The following QKI variants were observed in gnomAD, a reference collection of about 807,000 sequenced individuals.
QKI encodes KH domain-containing RNA-binding protein QKI.
A neutral mutation model predicts 39.0 loss-of-function variants in QKI; 10 were observed. That is an observed-to-expected ratio of 0.26 (90% confidence interval 0.16 to 0.43). The LOEUF is 0.43. Among genes scored for constraint, QKI ranks in the 20% least tolerant of loss-of-function variants. The probability of loss-of-function intolerance (pLI) is 1.00; values close to 1 mark genes in which losing one functional copy is unlikely to be tolerated. For synonymous variants in QKI, 204 were observed against 155.4 expected, an observed-to-expected ratio of 1.31 and a Z score of -2.33; for missense variants, 218 against 428.0, an observed-to-expected ratio of 0.51 and a Z score of 4.33.
intron 3 of QKI, among the ~76,000 whole-genome samples, chr6:163,493,374 C>T (rs1405719026): frequency 6.6e-6 from 1 of 152,168 alleles, no homozygotes; most frequent in African/African-American, 2.4e-5. Flanking sequence ...AGGTGATCCA[C>T]CGCCTCGGCC....
chr6:163,478,308 C>T (rs1481504151), intron 2 of QKI, among the ~76,000 whole-genome samples: 1 of 152,144 alleles, frequency 6.6e-6, no homozygotes, highest in Non-Finnish European at 1.5e-5. Context: ...TGAACAGTTG[C>T]TTTGGAGAAA....
intron 3 of QKI, among the ~76,000 whole-genome samples, chr6:163,534,181 T>G (rs1023021345): frequency 1.3e-5 from 2 of 152,190 alleles, no homozygotes; most frequent in African/African-American, 4.8e-5. Context: ...TCCCTGTAGC[T>G]TAACCAGGTT....
intron 3 of QKI, among the ~76,000 whole-genome samples, chr6:163,528,960 A>G (rs1000705332): frequency 3.3e-5 from 5 of 152,190 alleles, no homozygotes; most frequent in African/African-American, 1.2e-4. Flanking sequence ...ATAGAACTTT[A>G]GTCTTGCAGT....
chr6:163,445,762 C>T (rs1790106874), intron 1 of QKI, among the ~76,000 whole-genome samples: 1 of 151,966 alleles, frequency 6.6e-6, no homozygotes, highest in Non-Finnish European at 1.5e-5. Context: ...CTACAGGCGC[C>T]CGCCACCACG....
intron 3 of QKI, among the ~76,000 whole-genome samples, chr6:163,488,230 C>G (rs1056800720): frequency 6.6e-6 from 1 of 152,026 alleles, no homozygotes; most frequent in African/African-American, 2.4e-5. Flanking sequence ...ACTTTGCCGT[C>G]TAGTGTAGTG....
chr6:163,506,544 T>A (rs1032518414), intron 3 of QKI, among the ~76,000 whole-genome samples: 3 of 152,174 alleles, frequency 2.0e-5, no homozygotes, highest in Non-Finnish European at 4.4e-5. Flanking sequence ...TATTTAGATT[T>A]TTCAATGTAT....
intron 1 of QKI, among the ~76,000 whole-genome samples, chr6:163,434,166 T>C (rs1444335194): frequency 6.6e-6 from 1 of 152,004 alleles, no homozygotes; most frequent in Non-Finnish European, 1.5e-5. Flanking sequence ...CACAATGGCA[T>C]GGAGAGTAAT....
Position 163,574,502 on chromosome 6 carries a change from ATTT to A in QKI, c.*3797_*3799del. 1 of 152,250 alleles carries A rather than the reference ATTT, an allele frequency of 6.6e-6. No individual in the cohort carries two copies. Among genetic ancestry groups the A allele is most frequent in the Admixed American group, 6.5e-5 (1 of 15,292 alleles). 9.4% of individuals were successfully genotyped at this position (152,250 alleles called of 1,614,324 possible). On this transcript the variant is annotated 3_prime_UTR_variant, in exon 8 of 8. Coordinates refer to ENST00000361752, the MANE Select transcript of QKI (RefSeq NM_006775.3). ...GCACGTTACTGAGCTTTCCTCAGGT[ATTT>A]TTTTCTCTGTCACCTACTTTACAAA...
intron 3 of QKI, among the ~76,000 whole-genome samples, chr6:163,484,215 C>A (rs201426298): frequency 4.5e-5 from 4 of 88,532 alleles, no homozygotes; most frequent in South Asian, 7.2e-4. Context: ...TTTTTTTTTT[C>A]TTTTTAAGAC....
At chr6:163,428,520 A>G (rs970552771) in intron 1 of QKI, among the ~76,000 whole-genome samples, 1 of 152,174 alleles carries the variant, frequency 6.6e-6, no homozygotes, top group Non-Finnish European at 1.5e-5. Context: ...TATCATAGTA[A>G]TAAAAAATTA....
intron 4 of QKI, among the ~76,000 whole-genome samples, chr6:163,538,776 A>G (rs968847909): frequency 5.3e-5 from 8 of 152,284 alleles, no homozygotes; most frequent in African/African-American, 1.7e-4. Flanking sequence ...AGGTGCTGAG[A>G]AGTAGTAAGA....
chr6:163,467,460 T>C (rs954184068), intron 2 of QKI, among the ~76,000 whole-genome samples: 4 of 152,246 alleles, frequency 2.6e-5, no homozygotes, highest in African/African-American at 9.6e-5. Context: ...AAACAGTTAC[T>C]ATTTCCACTT....
chr6:163,480,406 A>G (rs1200276802), intron 3 of QKI, among the ~76,000 whole-genome samples: 1 of 152,126 alleles, frequency 6.6e-6, no homozygotes, highest in Non-Finnish European at 1.5e-5. Context: ...TACCAAACCC[A>G]CAGGGTATCT....
chr6:163,453,823 G>C (rs1790744640), intron 1 of QKI, among the ~76,000 whole-genome samples: 1 of 152,078 alleles, frequency 6.6e-6, no homozygotes, highest in South Asian at 2.1e-4. Flanking sequence ...TTTGTAATAT[G>C]AATATTGGTA....
intron 4 of QKI, among the ~76,000 whole-genome samples, chr6:163,541,165 G>A (rs1260569089): frequency 6.6e-6 from 1 of 151,882 alleles, no homozygotes; most frequent in African/African-American, 2.4e-5. Flanking sequence ...ATATTATGCT[G>A]CGTTTTTATT....
chr6:163,525,232 A>G (rs1780416498), intron 3 of QKI, among the ~76,000 whole-genome samples: 1 of 150,916 alleles, frequency 6.6e-6, no homozygotes. Flanking sequence ...TGCTTGAGAC[A>G]GGCTATATCT....
At position 163,571,356 on chromosome 6, in the gene QKI, AAAGT is replaced by A. The variant is rs1410068008; in HGVS notation, c.*649_*652del. The A allele has an allele frequency of 6.6e-6, 1 of 152,232 alleles. No homozygotes were observed. Among genetic ancestry groups the A allele is most frequent in the African/African-American group, 2.4e-5 (1 of 41,470 alleles). The allele number at this position is 152,232 out of a possible 1,614,324, so 9.4% of individuals were successfully genotyped here. On this transcript the variant is annotated 3_prime_UTR_variant, in exon 8 of 8. Coordinates refer to ENST00000361752, the MANE Select transcript of QKI (RefSeq NM_006775.3). ...GAGAGAAAAACTTAAGGAGTTTTGA[AAAGT>A]AATGCAAATAACAAAACTGCAACAC...
intron 4 of QKI, among the ~76,000 whole-genome samples, chr6:163,551,222 CA>C (rs1782219808): frequency 6.6e-6 from 1 of 152,136 alleles, no homozygotes; most frequent in Non-Finnish European, 1.5e-5. Flanking sequence ...TCCTCACCAC[CA>C]GCAGCCAGTC....
At chr6:163,541,016 T>C (rs116850994) in intron 4 of QKI, among the ~76,000 whole-genome samples, 551 of 152,162 alleles carry the variant, frequency 3.6e-3, no homozygotes, top group Admixed American at 7.6e-3. Context: ...ACATCTTTAT[T>C]CTACTAAGGT....
Sources: allele counts gnomAD v4.1 joint callset (sites outside exome capture counted in the v4.1 genomes callset), GRCh38; gene constraint gnomAD v4.1.1; transcripts MANE v1.5; gene names NCBI Gene and HGNC (gene_info 2026-07-23, HGNC 2026-07-21).